The following NPIPA1 variants were observed in gnomAD, a reference collection of about 807,000 sequenced individuals.
NPIPA1 encodes nuclear pore complex-interacting protein family member A1.
For missense variants in NPIPA1, 22 were observed against 232.2 expected, an observed-to-expected ratio of 0.09 and a Z score of 5.88; for synonymous variants, 7 against 88.0, an observed-to-expected ratio of 0.08 and a Z score of 5.15.
chr16:14,945,061 A>G (rs1342004609), intron 2 of NPIPA1, among the ~76,000 whole-genome samples: 2 of 147,622 alleles, frequency 1.4e-5, no homozygotes, highest in South Asian at 2.2e-4. Context: ...ACAGGCATGC[A>G]CCACCATGCC....
chr16:14,943,159 T>C (rs1261983764), intron 2 of NPIPA1, among the ~76,000 whole-genome samples: 2 of 152,146 alleles, frequency 1.3e-5, no homozygotes, highest in South Asian at 2.1e-4. Context: ...TTTTTTTTTT[T>C]TTCTTTTCTC....
chr16:14,944,943 A>G, intron 2 of NPIPA1, among the ~76,000 whole-genome samples: 1 of 142,598 alleles, frequency 7.0e-6, no homozygotes, highest in Non-Finnish European at 1.5e-5. Flanking sequence ...CAGAGTTTGA[A>G]TTTTGTTGCC....
At chr16:14,946,588 A>C (rs1965892544) in intron 4 of NPIPA1, among the ~76,000 whole-genome samples, 1 of 146,430 alleles carries the variant, frequency 6.8e-6, no homozygotes. Context: ...GCTATGGTGC[A>C]ATCTTGGCTC....
chr16:14,941,097 C>A (rs1395148446), intron 1 of NPIPA1, among the ~76,000 whole-genome samples: 1 of 151,094 alleles, frequency 6.6e-6, no homozygotes, highest in African/African-American at 2.4e-5. Context: ...CACTGCACTC[C>A]AGCCTGGGTG....
intron 4 of NPIPA1, among the ~76,000 whole-genome samples, chr16:14,948,320 C>G (rs1466687980): frequency 5.3e-5 from 8 of 152,244 alleles, no homozygotes; most frequent in Non-Finnish European, 1.2e-4. Context: ...ATAGATGCAC[C>G]CAGCATTCAG....
intron 4 of NPIPA1, among the ~76,000 whole-genome samples, chr16:14,946,378 C>T (rs1349243464): frequency 9.9e-5 from 14 of 141,542 alleles, no homozygotes; most frequent in Admixed American, 5.1e-4. Context: ...CCCACCACCA[C>T]GCCCAGCTAA....
At chr16:14,937,986 G>A (rs1244647974) in intron 1 of NPIPA1, among the ~76,000 whole-genome samples, 8 of 145,702 alleles carry the variant, frequency 5.5e-5, no homozygotes, top group African/African-American at 2.0e-4. Flanking sequence ...AATTTGAACC[G>A]GATCCTTTCC....
intron 4 of NPIPA1, among the ~76,000 whole-genome samples, chr16:14,947,657 T>C (rs1450596827): frequency 9.9e-5 from 15 of 151,746 alleles, no homozygotes; most frequent in African/African-American, 3.6e-4. Flanking sequence ...CTCATGTCTG[T>C]TTACTGCCAT....
At chr16:14,942,692 G>A (rs1965779113) in intron 2 of NPIPA1, among the ~76,000 whole-genome samples, 2 of 152,184 alleles carry the variant, frequency 1.3e-5, no homozygotes, top group Admixed American at 1.3e-4. Flanking sequence ...AGTGTGTCTG[G>A]GCAGGGTAAT....
At chr16:14,939,949 G>A (rs1345795907) in intron 1 of NPIPA1, among the ~76,000 whole-genome samples, 2 of 33,666 alleles carry the variant, frequency 5.9e-5, no homozygotes, top group African/African-American at 6.8e-5. Context: ...AGGCTGAAGT[G>A]CAGTGGTGCG....
At chr16:14,946,492 G>A (rs528507374) in intron 4 of NPIPA1, among the ~76,000 whole-genome samples, 959 of 150,804 alleles carry the variant, frequency 6.4e-3, no homozygotes, top group African/African-American at 0.022. Flanking sequence ...AAAGTGCTGG[G>A]ATTAGAGGCG....
intron 1 of NPIPA1, among the ~76,000 whole-genome samples, chr16:14,938,631 G>A (rs1965681779): frequency 7.3e-6 from 1 of 137,612 alleles, no homozygotes; most frequent in Non-Finnish European, 1.5e-5. Context: ...GGGCCCAGGA[G>A]CTGGACGTTG....
intron 2 of NPIPA1, among the ~76,000 whole-genome samples, chr16:14,942,169 G>GT (rs1412880079): frequency 6.5e-4 from 64 of 98,638 alleles, no homozygotes; most frequent in South Asian, 1.3e-3. Flanking sequence ...TCAAAAATAA[G>GT]TTTTTTTAAC....
chr16:14,943,154 T>C, intron 2 of NPIPA1, among the ~76,000 whole-genome samples: 1 of 151,972 alleles, frequency 6.6e-6, no homozygotes, highest in Non-Finnish European at 1.5e-5. Flanking sequence ...CTTTTTTTTT[T>C]TTTTTTTCTT....
At position 14,947,151 on chromosome 16, in the gene NPIPA1, T is replaced by C. The variant is rs569427012; in HGVS notation, c.437+1170T>C. Among the ~76,000 whole-genome samples the C allele has an allele frequency of 4.3e-4, 66 of 152,380 alleles. No individual in the cohort carries two copies. The South Asian group carries it at 0.013, about 31-fold the overall frequency. ...ATGCTTGGGTCACCTCCAGATTCAT[T>C]TTCACAGTCTTTCATGTTTTGGTCA... On this transcript the variant is annotated intron_variant, in intron 4 of 7. Coordinates refer to ENST00000328085, the MANE Select transcript of NPIPA1 (RefSeq NM_006985.4).
intron 1 of NPIPA1, among the ~76,000 whole-genome samples, chr16:14,941,287 T>G (rs1347842528): frequency 1.1e-4 from 15 of 131,268 alleles, no homozygotes; most frequent in Admixed American, 9.0e-4. Context: ...ATACAAAAAT[T>G]AGTCGGGCAT....
At chr16:14,941,162 G>A (rs1254481416) in intron 1 of NPIPA1, among the ~76,000 whole-genome samples, 3 of 151,584 alleles carry the variant, frequency 2.0e-5, no homozygotes, top group African/African-American at 7.3e-5. Context: ...AAATGGCCGG[G>A]CACGGTGGCT....
At chr16:14,941,280 C>G (rs1312899882) in intron 1 of NPIPA1, among the ~76,000 whole-genome samples, 26 of 135,014 alleles carry the variant, frequency 1.9e-4, no homozygotes, top group Non-Finnish European at 3.1e-4. Context: ...ACTAAAAATA[C>G]AAAAATTAGT....
chr16:14,939,867 C>A (rs965132845), intron 1 of NPIPA1, among the ~76,000 whole-genome samples: 2 of 29,678 alleles, frequency 6.7e-5, no homozygotes, highest in Non-Finnish European at 1.9e-4. Flanking sequence ...CCACGCTATT[C>A]ATGCCATTTT....
Sources: allele counts gnomAD v4.1 joint callset (sites outside exome capture counted in the v4.1 genomes callset), GRCh38; gene constraint gnomAD v4.1.1; transcripts MANE v1.5; gene names NCBI Gene and HGNC (gene_info 2026-07-23, HGNC 2026-07-21).